Variants in SMAD1 observed in about 807,000 individuals in gnomAD.
The protein encoded by SMAD1 is MAD, mothers against decapentaplegic homolog 1.
SMAD1 carries 6 observed loss-of-function variants against 41.6 expected under a neutral mutation model. That is an observed-to-expected ratio of 0.14 (90% CI 0.08 to 0.28). The LOEUF (loss-of-function observed/expected upper bound fraction) is 0.28, where lower values mean the gene tolerates loss of function less well. Among genes scored for constraint, SMAD1 ranks in the 10% least tolerant of loss-of-function variants. SMAD1 has a pLI of 1.00. For missense variants in SMAD1, 379 were observed against 582.6 expected (o/e 0.65, Z 3.60); for synonymous variants, 206 against 203.2 (o/e 1.01, Z -0.12).
chr4:145,541,568 T>A (rs1425669070), intron 3 of SMAD1, among the ~76,000 whole-genome samples: 1 of 152,174 alleles, frequency 6.6e-6, no homozygotes, highest in Non-Finnish European at 1.5e-5. Flanking sequence ...GTCCCAGTAG[T>A]CCCATCTCAG....
At chr4:145,484,395 C>G (rs1319990909) in intron 1 of SMAD1, 1 of 152,128 alleles carries the variant, frequency 6.6e-6, no homozygotes, top group Non-Finnish European at 1.5e-5. Flanking sequence ...TGAACTGGTG[C>G]AAAATGATAC....
chr4:145,496,757 C>A (rs1729100094), intron 1 of SMAD1, among the ~76,000 whole-genome samples: 1 of 152,080 alleles, frequency 6.6e-6, no homozygotes, highest in Non-Finnish European at 1.5e-5. Flanking sequence ...GACTATACTT[C>A]TGTTGAAATT....
chr4:145,509,016 GTTGTTGATAC>G (rs1729935735), intron 1 of SMAD1, among the ~76,000 whole-genome samples: 1 of 152,188 alleles, frequency 6.6e-6, no homozygotes, highest in African/African-American at 2.4e-5. Flanking sequence ...AGACCAGAGT[GTTGTTGATAC>G]TTGTTTTATA....
chr4:145,542,814 T>A, intron 4 of SMAD1, 116 bp downstream of exon 4: 1 of 646,948 alleles, frequency 1.5e-6, no homozygotes, highest in South Asian at 2.1e-5. Context: ...AAAAATAGAG[T>A]CCAATGTTAA....
chr4:145,519,945 C>G (rs1215611549), intron 2 of SMAD1, among the ~76,000 whole-genome samples: 1 of 152,144 alleles, frequency 6.6e-6, no homozygotes, highest in Non-Finnish European at 1.5e-5. Context: ...TAATGTCCGC[C>G]AGGTGTCACA....
At chr4:145,518,092 A>G (rs1730524408) in intron 2 of SMAD1, among the ~76,000 whole-genome samples, 1 of 126,370 alleles carries the variant, frequency 7.9e-6, no homozygotes, top group African/African-American at 2.5e-5. Context: ...TCTGAAGAGA[A>G]ACTCTACTAA....
intron 2 of SMAD1, among the ~76,000 whole-genome samples, chr4:145,528,664 T>G (rs1345372031): frequency 6.6e-6 from 1 of 152,254 alleles, no homozygotes; most frequent in African/African-American, 2.4e-5. Context: ...TAAAGATGCC[T>G]GGGTGACACC....
chr4:145,493,971 A>AT lies in SMAD1; in HGVS notation c.-177+11941dup, dbSNP rs575366507. ...ACCTTACTTTATTCTGTATTTATTA[A>AT]TTTTTTTTGAGACAGAGTCTCACCC... On this transcript the variant is annotated intron_variant, in intron 1 of 6. Transcript: ENST00000302085. 1.4e-3 allele frequency among the ~76,000 whole-genome samples: 217 copies of AT among 151,914 alleles called. 8 individuals are homozygous for AT. The South Asian group carries it at 0.044, about 31-fold the overall frequency.
intron 1 of SMAD1, among the ~76,000 whole-genome samples, chr4:145,488,950 T>C (rs946299443): frequency 6.6e-6 from 1 of 152,192 alleles, no homozygotes; most frequent in African/African-American, 2.4e-5. Context: ...TGAGTTTGCA[T>C]AGGCAGAAGG....
At chr4:145,544,207 G>A (rs1216251110) in intron 4 of SMAD1, 4 of 152,052 alleles carry the variant, frequency 2.6e-5, no homozygotes, top group African/African-American at 4.8e-5. Flanking sequence ...GTGTGGGGGT[G>A]GGGGGCATAT....
intron 2 of SMAD1, among the ~76,000 whole-genome samples, chr4:145,535,840 G>A (rs891452421): frequency 3.3e-5 from 5 of 151,796 alleles, no homozygotes; most frequent in Admixed American, 2.0e-4. Flanking sequence ...AGCGCAAATA[G>A]CAACAGATAT....
Position 145,554,098 on chromosome 4 carries a change from T to C in SMAD1, c.1254+58T>C, listed in dbSNP as rs1341773814. The C allele has an allele frequency of 2.7e-6, 4 of 1,495,050 alleles. 1 individual carries two copies. The African/African-American group carries it at 5.6e-5, about 21-fold the overall frequency. The allele number at this position is 1,495,050 out of a possible 1,614,324, so 92.6% of individuals were successfully genotyped here. ...TAACATACTTTTGCTGTGCTTTTTT[T>C]TTTTTTTTTTGGCGATATATGAATC... is the stretch of plus-strand genomic sequence containing the variant. On this transcript the variant is annotated intron_variant, in intron 6 of 6. Coordinates refer to ENST00000302085, the MANE Select transcript of SMAD1 (RefSeq NM_005900.3).
Position 145,514,775 on chromosome 4 carries a change from C to A in SMAD1, c.162C>A (p.Ala54=). The A allele has an allele frequency of 6.2e-7, 1 of 1,614,074 alleles. No individual in the cohort carries two copies. Among genetic ancestry groups the A allele is most frequent in the Non-Finnish European group, 8.5e-7 (1 of 1,180,010 alleles). The change falls in exon 2 of 7, where the codon GCC becomes GCA. Residue 54 remains alanine (A), a synonymous_variant. Transcript: ENST00000302085. This position sits in a 1 kb window ranked among gnomAD's most constrained non-coding sequence, Gnocchi z 4.7. ...KKGAMEELEK[A]LSCPGQPSNC... is the part of the protein sequence containing the mutation. ...GTGCCATGGAGGAACTGGAAAAGGC[C>A]TTGAGCTGCCCAGGGCAACCGAGTA...
intron 1 of SMAD1, among the ~76,000 whole-genome samples, chr4:145,505,030 A>T (rs1211255197): frequency 1.3e-5 from 2 of 152,206 alleles, no homozygotes; most frequent in Non-Finnish European, 2.9e-5. Context: ...TGGTTTCTAT[A>T]AGTGTCAGGA....
intron 2 of SMAD1, among the ~76,000 whole-genome samples, chr4:145,516,148 C>G (rs927845571): frequency 6.6e-6 from 1 of 152,168 alleles, no homozygotes; most frequent in Admixed American, 6.5e-5. Context: ...TGATTCTGCT[C>G]CCTTTGGTAA....
Position 145,539,862 on chromosome 4 carries a change from A to G in SMAD1, c.459A>G (p.Leu153=). ...HSEYNPQHSL[L]AQFRNLGQNE... is the part of the protein sequence containing the mutation. Reference sequence around the variant, plus strand: ...AATATAATCCTCAGCACAGCCTCTTAGCTCAGTTCCGTAACTTAGGACAAA... The same window carrying G: ...AATATAATCCTCAGCACAGCCTCTTGGCTCAGTTCCGTAACTTAGGACAAA... The change falls in exon 3 of 7, where the codon TTA becomes TTG. Residue 153 remains leucine, a synonymous_variant. Coordinates refer to ENST00000302085, the MANE Select transcript of SMAD1 (RefSeq NM_005900.3). 1 of 1,613,852 alleles carries G rather than the reference A, an allele frequency of 6.2e-7. No individual in the cohort carries two copies. Among genetic ancestry groups the G allele is most frequent in the Non-Finnish European group, 8.5e-7 (1 of 1,179,932 alleles).
Position 145,540,284 on chromosome 4 carries a change from A to G in SMAD1, c.658+223A>G, listed in dbSNP as rs34373983. Among the ~76,000 whole-genome samples, 4,187 of 152,362 alleles carry G rather than the reference A, an allele frequency of 0.027. 88 individuals are homozygous for G. Among genetic ancestry groups the G allele is most frequent in the Non-Finnish European group, 0.042 (2,869 of 68,030 alleles). ...TCAGGCACAGATGCTTGAATAAGCT[A>G]TATTTTCCCCTTGTTTTTAAAAGGT... On this transcript the variant is annotated intron_variant, in intron 3 of 6. Transcript: ENST00000302085.
intron 5 of SMAD1, among the ~76,000 whole-genome samples, chr4:145,551,040 T>G (rs2126546973): frequency 6.6e-6 from 1 of 152,318 alleles, no homozygotes; most frequent in South Asian, 2.1e-4. Context: ...TTCTGAATAT[T>G]CTGAATATTA....
chr4:145,542,643 G>C lies in SMAD1; in HGVS notation c.720G>C (p.Gln240His). The C allele has an allele frequency of 6.2e-7, 1 of 1,613,706 alleles. No homozygotes were observed. Among genetic ancestry groups the C allele is most frequent in the Non-Finnish European group, 8.5e-7 (1 of 1,179,824 alleles). Residue 240 changes from glutamine to histidine, a missense_variant, in exon 4 of 7, where the codon CAG (glutamine) becomes CAC (histidine). By Grantham distance (24) the Gln-to-His change is conservative (BLOSUM62 0). Around this residue, in one of 3 missense-constraint regions of SMAD1, gnomAD observed 208 missense variants for 210.5 expected, o/e 0.99. Coordinates refer to ENST00000302085, the MANE Select transcript of SMAD1 (RefSeq NM_005900.3). ...ACCCCATGACCCAGGATGGCTCTCA[G>C]CCGATGGACACAAACATGATGGCGC... is the stretch of plus-strand genomic sequence containing the variant. ...PEDPMTQDGS[Q>H]PMDTNMMAPP...
Sources: allele counts gnomAD v4.1 joint callset (sites outside exome capture counted in the v4.1 genomes callset), GRCh38; gene constraint gnomAD v4.1.1; regional missense constraint gnomAD v4.1.1; non-coding constraint Gnocchi (gnomAD v3.1); transcripts MANE v1.5; gene names NCBI Gene and HGNC (gene_info 2026-07-23, HGNC 2026-07-21).